Variants in SSBP2 observed in about 807,000 individuals in gnomAD.
SSBP2 encodes single-stranded DNA-binding protein 2.
In SSBP2, 17 loss-of-function variants were observed where a neutral mutation model predicts 61.8. The ratio of observed to expected loss-of-function variants is 0.28; its 90% CI spans 0.19 to 0.41. The LOEUF (loss-of-function observed/expected upper bound fraction) is 0.41. SSBP2 is among the 10% of genes least tolerant of loss of function. The pLI, the probability that SSBP2 is intolerant of heterozygous loss-of-function variation, is 1.00. For synonymous variants in SSBP2, 139 were observed against 141.3 expected, an observed-to-expected ratio of 0.98 and a Z score of 0.12; for missense variants, 310 against 458.7, an observed-to-expected ratio of 0.68 and a Z score of 2.96.
At chr5:81,627,117 T>C (rs967935782) in intron 3 of SSBP2, among the ~76,000 whole-genome samples, 1 of 152,194 alleles carries the variant, frequency 6.6e-6, no homozygotes, top group African/African-American at 2.4e-5. Flanking sequence ...ATAAAAAGTT[T>C]TCTAATTAAC....
intron 1 of SSBP2, among the ~76,000 whole-genome samples, chr5:81,725,702 ATGGGTAGCGGTTTTT>A (rs1436153832): frequency 6.6e-6 from 1 of 152,180 alleles, no homozygotes; most frequent in Non-Finnish European, 1.5e-5. Context: ...AGAGATCCAA[ATGGGTAGCGGTTTTT>A]TGATGTTTTT....
chr5:81,535,768 T>C (rs1162492314), intron 4 of SSBP2, among the ~76,000 whole-genome samples: 2 of 151,984 alleles, frequency 1.3e-5, no homozygotes, highest in African/African-American at 4.8e-5. Flanking sequence ...TACATCAAAA[T>C]GGACCACAGA....
intron 4 of SSBP2, among the ~76,000 whole-genome samples, chr5:81,585,784 T>C (rs551120274): frequency 6.6e-6 from 1 of 152,288 alleles, no homozygotes; most frequent in East Asian, 1.9e-4. Flanking sequence ...ACTGAAAATT[T>C]AGATCCTTTG....
Position 81,432,594 on chromosome 5 carries a change from A to G in SSBP2, c.958-3911T>C, listed in dbSNP as rs555133694. Among the ~76,000 whole-genome samples the G allele has an allele frequency of 3.0e-3, 460 of 152,088 alleles. 1 individual carries two copies. Among genetic ancestry groups the G allele is most frequent in the African/African-American group, 0.01 (423 of 41,494 alleles). Reference sequence around the variant, plus strand: ...ACCCCTGTCTCTACTAAAAATACAAAAATTAGCCGGGTATGGTGGTGTGCG... The same window carrying G: ...ACCCCTGTCTCTACTAAAAATACAAGAATTAGCCGGGTATGGTGGTGTGCG... On this transcript the variant is annotated intron_variant, in intron 15 of 16. Transcript: ENST00000320672.
At chr5:81,502,156 T>C (rs1371111176) in intron 5 of SSBP2, among the ~76,000 whole-genome samples, 3 of 152,092 alleles carry the variant, frequency 2.0e-5, no homozygotes, top group Non-Finnish European at 4.4e-5. Flanking sequence ...TTTATGAGGC[T>C]TTCACCCCCA....
At chr5:81,724,809 T>G (rs1467646744) in intron 1 of SSBP2, among the ~76,000 whole-genome samples, 1 of 152,108 alleles carries the variant, frequency 6.6e-6, no homozygotes, top group African/African-American at 2.4e-5. Flanking sequence ...ACTTGAAAAT[T>G]AAGGATTCCT....
At chr5:81,559,874 A>G (rs1772906940) in intron 4 of SSBP2, among the ~76,000 whole-genome samples, 1 of 152,156 alleles carries the variant, frequency 6.6e-6, no homozygotes, top group African/African-American at 2.4e-5. Flanking sequence ...GTATTACATA[A>G]GGCATCAGAA....
At chr5:81,736,647 C>T (rs1756645292) in intron 1 of SSBP2, among the ~76,000 whole-genome samples, 1 of 151,940 alleles carries the variant, frequency 6.6e-6, no homozygotes, top group African/African-American at 2.4e-5. Flanking sequence ...AATTTTTCTT[C>T]TTGGAATATT....
intron 4 of SSBP2, among the ~76,000 whole-genome samples, chr5:81,533,071 G>A (rs1203605121): frequency 2.0e-5 from 3 of 151,762 alleles, no homozygotes; most frequent in Admixed American, 1.3e-4. Flanking sequence ...CTCATAAATA[G>A]CAGAATATAC....
chr5:81,417,256 G>A lies in SSBP2; in HGVS notation c.*3248C>T, dbSNP rs1329806830. 1.3e-5 allele frequency: 2 copies of A among 152,154 alleles called. No individual in the cohort carries two copies. Among genetic ancestry groups the A allele is most frequent in the Non-Finnish European group, 2.9e-5 (2 of 68,024 alleles). The allele number at this position is 152,154 out of a possible 1,614,324, so 9.4% of individuals were successfully genotyped here. A position where few individuals can be genotyped will look rare whatever the true frequency, so the allele number is the denominator to read the frequency against. On this transcript the variant is annotated 3_prime_UTR_variant, in exon 17 of 17. Transcript: ENST00000320672. The stretch of plus-strand genomic sequence containing the variant: ...AACATTTTCAAAGGAGTGCTAATAA[G>A]ATTCACCCATCAAATATGTGTTGTA...
At position 81,668,376 on chromosome 5, in the gene SSBP2, A is replaced by T. The variant is rs541981665; in HGVS notation, c.63-18037T>A. ...ATTCAAATACGAATAGCCAAAACAC[A>T]GTTACTCTAACCAAATATTCCTAAG... is the stretch of plus-strand genomic sequence containing the variant. On this transcript the variant is annotated intron_variant, in intron 1 of 16. Transcript: ENST00000320672. Among the ~76,000 whole-genome samples the T allele has an allele frequency of 6.6e-5, 10 of 152,142 alleles. 1 individual carries two copies. In the South Asian group the frequency reaches 2.1e-3, roughly 32 times the overall value.
chr5:81,551,863 T>A (rs949925916), intron 4 of SSBP2, among the ~76,000 whole-genome samples: 2 of 152,206 alleles, frequency 1.3e-5, no homozygotes, highest in African/African-American at 2.4e-5. Context: ...TATTTTAAAA[T>A]GTTGACAACT....
intron 2 of SSBP2, among the ~76,000 whole-genome samples, chr5:81,638,815 T>C (rs11748905): frequency 0.014 from 2,188 of 152,316 alleles, 17 homozygotes; most frequent in Non-Finnish European, 0.023. Flanking sequence ...AACAATTGTC[T>C]ATGCTCCTAG....
chr5:81,509,049 A>G (rs1471243252), intron 5 of SSBP2, among the ~76,000 whole-genome samples: 1 of 152,176 alleles, frequency 6.6e-6, no homozygotes. Flanking sequence ...CACCCTTCAG[A>G]ATTTAGTAGT....
intron 2 of SSBP2, among the ~76,000 whole-genome samples, chr5:81,642,180 G>A (rs1748847330): frequency 6.6e-6 from 1 of 152,156 alleles, no homozygotes. Flanking sequence ...TTCTGAAGAG[G>A]TATTTTCTGT....
In SSBP2 at chr5:81,525,358, AGT is replaced by A. The variant is rs577258387; in HGVS notation, c.283-11643_283-11642del. 1.2e-3 allele frequency among the ~76,000 whole-genome samples: 187 copies of A among 151,946 alleles called. 1 individual carries two copies. Among genetic ancestry groups the A allele is most frequent in the African/African-American group, 4.3e-3 (178 of 41,490 alleles). On this transcript the variant is annotated intron_variant, in intron 4 of 16. Transcript: ENST00000320672. ...CACCCTCCATCCTCAAGGAGGCCCCAGTGTCTGTTGTTCCCCTCTTTGTGTCC... is the reference window on the plus strand; with the variant it reads ...CACCCTCCATCCTCAAGGAGGCCCCAGTCTGTTGTTCCCCTCTTTGTGTCC...
intron 1 of SSBP2, chr5:81,710,592 A>G (rs1754707738): frequency 2.4e-6 from 1 of 422,368 alleles, no homozygotes; most frequent in Admixed American, 2.8e-5. Flanking sequence ...GGGGACTTCA[A>G]CTGAAAACAA....
In SSBP2 at chr5:81,497,920, C is replaced by T. The variant is rs547567009; in HGVS notation, c.373-8611G>A. On this transcript the variant is annotated intron_variant, in intron 5 of 16. Transcript: ENST00000320672. ...CAATTTTGGAAGAAAAGTGTGGTAA[C>T]TTACTGATCTTTTTCTGAAGCATAC... Among the ~76,000 whole-genome samples the T allele has an allele frequency of 2.0e-5, 3 of 152,152 alleles. No homozygotes were observed. In the East Asian group the frequency reaches 5.8e-4, roughly 29 times the overall value.
intron 1 of SSBP2, among the ~76,000 whole-genome samples, chr5:81,708,928 T>C (rs137927090): frequency 6.6e-6 from 1 of 152,114 alleles, no homozygotes; most frequent in East Asian, 1.9e-4. Context: ...AGAAAAACTC[T>C]TATTGTGATT....
Sources: allele counts gnomAD v4.1 joint callset (sites outside exome capture counted in the v4.1 genomes callset), GRCh38; gene constraint gnomAD v4.1.1; transcripts MANE v1.5; gene names NCBI Gene and HGNC (gene_info 2026-07-23, HGNC 2026-07-21).